The following DIAPH3 variants were observed in gnomAD, a reference collection of about 807,000 sequenced individuals.
DIAPH3 encodes the protein protein diaphanous homolog 3.
A neutral mutation model predicts 144.3 loss-of-function variants in DIAPH3; 117 were observed. The ratio of observed to expected loss-of-function variants is 0.81; its 90% confidence interval spans 0.70 to 0.95. The LOEUF (loss-of-function observed/expected upper bound fraction) is 0.95, where lower values mean the gene tolerates loss of function less well. Among genes scored for constraint, DIAPH3 ranks in the 40% least tolerant of loss-of-function variants. DIAPH3 has a pLI of 0.00. For synonymous variants in DIAPH3, 519 were observed against 488.9 expected, an observed-to-expected ratio of 1.06 and a Z score of -0.81; for missense variants, 1,421 against 1,412.7, an observed-to-expected ratio of 1.01 and a Z score of -0.09.
At chr13:60,111,161 G>A (rs531859575) in intron 3 of DIAPH3, among the ~76,000 whole-genome samples, 1 of 152,076 alleles carries the variant, frequency 6.6e-6, no homozygotes, top group Non-Finnish European at 1.5e-5. Context: ...TGCACTTTAC[G>A]ATCTTGAGTC....
intron 13 of DIAPH3, among the ~76,000 whole-genome samples, chr13:59,983,206 A>T (rs1443036111): frequency 2.3e-4 from 5 of 22,000 alleles, no homozygotes; most frequent in Admixed American, 6.2e-4. Context: ...TTCCAAGTTT[A>T]AAAAAAAAAA....
intron 5 of DIAPH3, 49 bp downstream of exon 5, chr13:60,042,641 G>T: frequency 6.2e-7 from 1 of 1,609,750 alleles, no homozygotes; most frequent in East Asian, 2.2e-5. Context: ...TAAACTAAAA[G>T]AACACATTAA....
At chr13:60,087,152 T>C (rs985970231) in intron 4 of DIAPH3, among the ~76,000 whole-genome samples, 2 of 152,216 alleles carry the variant, frequency 1.3e-5, no homozygotes, top group Admixed American at 6.5e-5. Context: ...GTAGACACAA[T>C]TGTTTTTCCA....
intron 24 of DIAPH3, among the ~76,000 whole-genome samples, chr13:59,815,641 A>T (rs1351939649): frequency 6.6e-6 from 1 of 151,978 alleles, no homozygotes; most frequent in Admixed American, 6.6e-5. Flanking sequence ...TTTTGTAGAG[A>T]TGGGGGTCTT....
intron 21 of DIAPH3, among the ~76,000 whole-genome samples, chr13:59,865,797 T>A (rs1445282601): frequency 1.3e-5 from 2 of 152,020 alleles, no homozygotes. Flanking sequence ...GGATGACATT[T>A]AAAGAATATT....
chr13:59,716,630 CATT>C (rs1489213175), intron 27 of DIAPH3, among the ~76,000 whole-genome samples: 4 of 152,140 alleles, frequency 2.6e-5, no homozygotes, highest in South Asian at 2.1e-4. Flanking sequence ...TTGAAGTAGA[CATT>C]ATTATCACCT....
At chr13:60,063,985 A>G (rs892721009) in intron 4 of DIAPH3, among the ~76,000 whole-genome samples, 1 of 152,188 alleles carries the variant, frequency 6.6e-6, no homozygotes, top group African/African-American at 2.4e-5. Context: ...TTGGATGACT[A>G]AATGCACTGT....
intron 22 of DIAPH3, 58 bp from the exon 23 acceptor site, chr13:59,839,506 A>T: frequency 6.6e-7 from 1 of 1,524,208 alleles, no homozygotes; most frequent in South Asian, 1.2e-5. Flanking sequence ...ATAAAAGGTA[A>T]GACACCCTAG....
intron 20 of DIAPH3, among the ~76,000 whole-genome samples, chr13:59,891,958 C>T (rs552094700): frequency 1.3e-5 from 2 of 151,794 alleles, no homozygotes; most frequent in African/African-American, 2.4e-5. Context: ...TTTATTGAAC[C>T]CTTATTTATG....
At chr13:60,118,044 A>C (rs1299067212) in intron 2 of DIAPH3, among the ~76,000 whole-genome samples, 1 of 152,166 alleles carries the variant, frequency 6.6e-6, no homozygotes, top group Non-Finnish European at 1.5e-5. Context: ...TGCCATTTGG[A>C]GATGGTACAC....
chr13:60,015,687 G>A (rs1420978930), intron 7 of DIAPH3, among the ~76,000 whole-genome samples: 8 of 151,894 alleles, frequency 5.3e-5, no homozygotes, highest in Non-Finnish European at 1.0e-4. Context: ...AAAGGGTGGG[G>A]AGAGATAATT....
chr13:59,778,568 G>A (rs992761779), intron 25 of DIAPH3, among the ~76,000 whole-genome samples: 2 of 152,222 alleles, frequency 1.3e-5, no homozygotes, highest in African/African-American at 4.8e-5. Context: ...GAAGAGATGG[G>A]AATACATTCC....
chr13:59,688,093 T>A (rs1189700646), intron 27 of DIAPH3, among the ~76,000 whole-genome samples: 1 of 152,056 alleles, frequency 6.6e-6, no homozygotes, highest in African/African-American at 2.4e-5. Context: ...TAAATATTAT[T>A]CATAACATGA....
rs1165739891 is a variant in DIAPH3, at chr13:60,031,732, C to CTTTTTTTTTTTTT, written c.626+10945_626+10957dup. Among the ~76,000 whole-genome samples the CTTTTTTTTTTTTT allele has an allele frequency of 9.3e-5, 6 of 64,680 alleles. 2 individuals carry two copies. The highest frequency in any genetic ancestry group is 3.3e-4 in the African/African-American group (5 of 15,162). 42.4% of individuals were successfully genotyped at this position (64,680 alleles called of 152,430 possible). A position where few individuals can be genotyped will look rare whatever the true frequency, so the allele number is the denominator to read the frequency against. On this transcript the variant is annotated intron_variant, in intron 5 of 27. Coordinates refer to ENST00000400324, the MANE Select transcript of DIAPH3 (RefSeq NM_001042517.2). ...AAACCCAGTAGGGCAGTCATTAAAT[C>CTTTTTTTTTTTTT]TTTTTTTTTTTTTTTTTTTTTTTTT...
intron 17 of DIAPH3, among the ~76,000 whole-genome samples, chr13:59,955,927 G>A (rs910631790): frequency 6.6e-6 from 1 of 152,096 alleles, no homozygotes; most frequent in African/African-American, 2.4e-5. Context: ...AGAGTTCTGT[G>A]GAACTTTGAA....
chr13:59,746,842 A>G (rs1593737205), intron 27 of DIAPH3, among the ~76,000 whole-genome samples: 2 of 152,212 alleles, frequency 1.3e-5, no homozygotes. Context: ...TATAATTTAT[A>G]ATTTAAATAG....
chr13:59,798,360 C>G (rs555302051), intron 25 of DIAPH3, among the ~76,000 whole-genome samples: 1 of 152,202 alleles, frequency 6.6e-6, no homozygotes, highest in Admixed American at 6.5e-5. Context: ...AAAAAAAATT[C>G]AAAGCATAGC....
At chr13:59,916,842 C>G (rs946503498) in intron 18 of DIAPH3, among the ~76,000 whole-genome samples, 1 of 152,058 alleles carries the variant, frequency 6.6e-6, no homozygotes, top group Non-Finnish European at 1.5e-5. Context: ...AAAACAAATT[C>G]TCACTGAAAA....
At chr13:59,937,705 C>T (rs989249128) in intron 17 of DIAPH3, among the ~76,000 whole-genome samples, 4 of 152,098 alleles carry the variant, frequency 2.6e-5, no homozygotes, top group Non-Finnish European at 4.4e-5. Context: ...TGACTGACAG[C>T]AAAATGGTCA....
Sources: gnomAD v4.1 joint callset for allele counts (sites outside exome capture counted in the v4.1 genomes callset) on GRCh38, gnomAD v4.1.1 for gene constraint, MANE v1.5 for transcripts, NCBI Gene and HGNC (gene_info 2026-07-23, HGNC 2026-07-21) for gene names.